The following SASH1 variants were observed in gnomAD, a reference collection of about 807,000 sequenced individuals.
SASH1 encodes SAM and SH3 domain-containing protein 1.
In SASH1, 44 loss-of-function variants were observed where a neutral mutation model predicts 125.2. The observed-to-expected ratio is 0.35, with a 90% CI of 0.28 to 0.45. The LOEUF (loss-of-function observed/expected upper bound fraction) is 0.45, where lower values mean the gene tolerates loss of function less well. Ranked by LOEUF, SASH1 falls within the 20% of genes least tolerant of loss-of-function variation. The pLI is 1.00. For synonymous variants in SASH1, 639 were observed against 649.1 expected (o/e 0.98, Z 0.24); for missense variants, 1,426 against 1,614.5 (o/e 0.88, Z 2.00).
the SASH1 span, among the ~76,000 whole-genome samples, chr6:148,257,077 T>C: frequency 6.6e-6 from 1 of 152,172 alleles, no homozygotes; most frequent in African/African-American, 2.4e-5. Context: ...TAAATATCAA[T>C]ACGGCTGTTA....
intron 1 of SASH1, 66 bp downstream of exon 1, chr6:148,343,289 G>C: frequency 6.7e-7 from 1 of 1,490,730 alleles, no homozygotes; most frequent in Non-Finnish European, 9.0e-7. Flanking sequence ...GAAACCGGGG[G>C]CTCCCTTCTC....
the SASH1 span, among the ~76,000 whole-genome samples, chr6:148,229,709 C>T: frequency 2.7e-5 from 4 of 148,312 alleles, no homozygotes; most frequent in Non-Finnish European, 4.4e-5. Flanking sequence ...CATAATATAA[C>T]GTCAGAGCAC....
the SASH1 span, among the ~76,000 whole-genome samples, chr6:148,195,798 G>A: frequency 1.2e-4 from 18 of 152,302 alleles, no homozygotes; most frequent in South Asian, 1.9e-3. Flanking sequence ...ACAGCCCAGG[G>A]CAGGAGGGAC....
upstream of SASH1, among the ~76,000 whole-genome samples, chr6:148,268,467 A>G (rs1243011483): frequency 6.6e-6 from 1 of 152,230 alleles, no homozygotes; most frequent in Non-Finnish European, 1.5e-5. Context: ...ATATCAAGAA[A>G]AAATGTAATC....
At chr6:148,295,014 C>T (rs763376181) in intron 1 of SASH1, among the ~76,000 whole-genome samples, 1 of 152,114 alleles carries the variant, frequency 6.6e-6, no homozygotes, top group Non-Finnish European at 1.5e-5. Context: ...TTAATGGATG[C>T]CTAGTAAGTC....
intron 2 of SASH1, among the ~76,000 whole-genome samples, chr6:148,416,240 G>T (rs1283265612): frequency 2.0e-5 from 3 of 152,138 alleles, no homozygotes; most frequent in African/African-American, 7.2e-5. Context: ...AAGAATAGAT[G>T]AAACAAAAGC....
chr6:148,410,701 A>G (rs1409878668), intron 2 of SASH1, among the ~76,000 whole-genome samples: 1 of 152,222 alleles, frequency 6.6e-6, no homozygotes, highest in Non-Finnish European at 1.5e-5. Context: ...ATTCCGTAGT[A>G]AACAGAAACT....
At chr6:148,490,158 T>G (rs1466545534) in intron 8 of SASH1, among the ~76,000 whole-genome samples, 1 of 151,958 alleles carries the variant, frequency 6.6e-6, no homozygotes, top group Non-Finnish European at 1.5e-5. Context: ...AAACAGTGCT[T>G]CTTATTCTAC....
At chr6:148,351,768 G>C (rs984931942) in intron 1 of SASH1, among the ~76,000 whole-genome samples, 1 of 149,064 alleles carries the variant, frequency 6.7e-6, no homozygotes, top group Non-Finnish European at 1.5e-5. Context: ...TGGTCTTGCT[G>C]TCAGCCAACA....
chr6:148,335,188 C>T (rs1043008838), intron 1 of SASH1, among the ~76,000 whole-genome samples: 14 of 150,994 alleles, frequency 9.3e-5, no homozygotes, highest in African/African-American at 3.4e-4. Context: ...ATCCTAGCTA[C>T]TTGCGAGGCT....
At chr6:148,251,100 A>G in the SASH1 span, among the ~76,000 whole-genome samples, 2 of 152,210 alleles carry the variant, frequency 1.3e-5, no homozygotes, top group African/African-American at 4.8e-5. Context: ...CCCTATAATA[A>G]TTGCTTGTCA....
chr6:148,537,776 C>CTCTGTGTGTGTGTGTGTG (rs1179993512), intron 16 of SASH1, among the ~76,000 whole-genome samples: 1 of 125,598 alleles, frequency 8.0e-6, no homozygotes, highest in South Asian at 3.2e-4. Flanking sequence ...TTAGCATATT[C>CTCTGTGTGTGTGTGTGTG]TGTGTGTGTG....
chr6:148,197,553 C>T, the SASH1 span, among the ~76,000 whole-genome samples: 1 of 152,216 alleles, frequency 6.6e-6, no homozygotes, highest in Non-Finnish European at 1.5e-5. Context: ...TGCAGGCCAC[C>T]CTCCTGCCAC....
chr6:148,263,893 G>A, the SASH1 span, among the ~76,000 whole-genome samples: 1 of 152,132 alleles, frequency 6.6e-6, no homozygotes, highest in Non-Finnish European at 1.5e-5. Flanking sequence ...CTGGTCCGGA[G>A]GAAATCTGAA....
At chr6:148,534,702 T>A in intron 15 of SASH1, 49 bp from the exon 16 acceptor site, 1 of 1,602,506 alleles carries the variant, frequency 6.2e-7, no homozygotes, top group Non-Finnish European at 8.5e-7. Context: ...GGTGTTATCA[T>A]GTGTCTGGGC....
intron 8 of SASH1, among the ~76,000 whole-genome samples, chr6:148,507,894 C>G (rs1315348851): frequency 6.6e-6 from 1 of 152,126 alleles, no homozygotes; most frequent in African/African-American, 2.4e-5. Context: ...TGAACTTAGC[C>G]CTGAAAAGAC....
intron 2 of SASH1, among the ~76,000 whole-genome samples, chr6:148,437,733 T>A (rs949222416): frequency 1.2e-4 from 18 of 152,092 alleles, no homozygotes; most frequent in African/African-American, 4.1e-4. Context: ...AAAAAAAAAA[T>A]TTGTTTAAAT....
chr6:148,240,555 A>T, the SASH1 span, among the ~76,000 whole-genome samples: 1 of 152,160 alleles, frequency 6.6e-6, no homozygotes, highest in Non-Finnish European at 1.5e-5. Context: ...TTGGCAAAAG[A>T]AGATCAAATT....
chr6:148,286,262 G>A (rs1013782147), intron 1 of SASH1, among the ~76,000 whole-genome samples: 7 of 151,844 alleles, frequency 4.6e-5, no homozygotes, highest in African/African-American at 9.7e-5. Flanking sequence ...TTAGCTGGGC[G>A]TGGTGGCGTA....
Sources: gnomAD v4.1 joint callset for allele counts (sites outside exome capture counted in the v4.1 genomes callset) on GRCh38, gnomAD v4.1.1 for gene constraint, MANE v1.5 for transcripts, NCBI Gene and HGNC (gene_info 2026-07-23, HGNC 2026-07-21) for gene names.